COG5: variants seen among roughly 807,000 people sequenced by gnomAD.
COG5 encodes component of oligomeric golgi complex 5.
In COG5, 86 loss-of-function variants were observed where a neutral mutation model predicts 110.4. That is an observed-to-expected ratio of 0.78 (90% CI 0.65 to 0.93). COG5 has a LOEUF of 0.93. Among genes scored for constraint, COG5 ranks in the 40% least tolerant of loss-of-function variants. The pLI is 0.00. For missense variants in COG5, 1,077 were observed against 987.0 expected, an observed-to-expected ratio of 1.09 and a Z score of -1.22; for synonymous variants, 360 against 334.6, an observed-to-expected ratio of 1.08 and a Z score of -0.83.
intron 1 of COG5, among the ~76,000 whole-genome samples, chr7:107,562,897 A>G (rs887795111): frequency 2.6e-5 from 4 of 152,208 alleles, no homozygotes; most frequent in African/African-American, 9.6e-5. Context: ...TTCTGCACCT[A>G]CTGTATGCAA....
At chr7:107,423,661 A>C (rs1332594441) in intron 6 of COG5, among the ~76,000 whole-genome samples, 1 of 140,440 alleles carries the variant, frequency 7.1e-6, no homozygotes, top group Admixed American at 6.9e-5. Context: ...AAGACATTAC[A>C]AAAAAAAAAA....
rs75800722 is a variant in COG5 at position 107,238,226 on chromosome 7, T to C, written c.1854-1539A>G. Among the ~76,000 whole-genome samples, 880 of 152,310 alleles carry C rather than the reference T, an allele frequency of 5.8e-3. 4 individuals carry two copies. The highest frequency in any genetic ancestry group is 0.021 in the African/African-American group (856 of 41,576). ...GTATTCGGTTGTTTTAGACAACAGA[T>C]ATGTGAGGTCATGTGGTATTTGTCT... On this transcript the variant is annotated intron_variant, in intron 17 of 21. Transcript: ENST00000297135.
chr7:107,454,628 T>C (rs901581273), intron 6 of COG5, among the ~76,000 whole-genome samples: 1 of 152,154 alleles, frequency 6.6e-6, no homozygotes, highest in African/African-American at 2.4e-5. Flanking sequence ...CATAGTATCA[T>C]AAGAAAAATG....
At chr7:107,351,374 A>G (rs1812118815) in intron 10 of COG5, among the ~76,000 whole-genome samples, 1 of 152,210 alleles carries the variant, frequency 6.6e-6, no homozygotes, top group Non-Finnish European at 1.5e-5. Context: ...AAACCCAGGC[A>G]ATACCATTCA....
intron 3 of COG5, among the ~76,000 whole-genome samples, chr7:107,552,018 T>C (rs1802928082): frequency 2.0e-5 from 3 of 152,242 alleles, no homozygotes; most frequent in Admixed American, 6.5e-5. Flanking sequence ...ACACAAGAGA[T>C]AATCATTCTA....
intron 6 of COG5, among the ~76,000 whole-genome samples, chr7:107,435,205 G>A (rs910995739): frequency 1.3e-5 from 2 of 151,920 alleles, no homozygotes; most frequent in Admixed American, 1.3e-4. Context: ...TTTTACAAGG[G>A]GAAAAAATTC....
chr7:107,336,077 T>G (rs1584693963), intron 10 of COG5, among the ~76,000 whole-genome samples: 4 of 151,990 alleles, frequency 2.6e-5, no homozygotes, highest in Admixed American at 2.0e-4. Context: ...AAGAAAGAAA[T>G]AAAATATATC....
At chr7:107,364,257 C>G (rs945610771) in intron 8 of COG5, among the ~76,000 whole-genome samples, 1 of 152,150 alleles carries the variant, frequency 6.6e-6, no homozygotes, top group African/African-American at 2.4e-5. Flanking sequence ...TTATGAGGCT[C>G]TCCAAAAAAT....
At chr7:107,416,524 C>T (rs763158029) in intron 6 of COG5, among the ~76,000 whole-genome samples, 3 of 152,110 alleles carry the variant, frequency 2.0e-5, no homozygotes, top group Non-Finnish European at 2.9e-5. Context: ...TATTCTAATA[C>T]ACTAATTCTT....
chr7:107,316,576 G>C lies in COG5; in HGVS notation c.1108+7864C>G, dbSNP rs1274627564. ...CGCCTGTAATCCCGGCACTTTGGGAGGCCAGGGCGGGCGGATCACGAGGTC... is the reference window on the plus strand; with the variant it reads ...CGCCTGTAATCCCGGCACTTTGGGACGCCAGGGCGGGCGGATCACGAGGTC... On this transcript the variant is annotated intron_variant, in intron 11 of 21. Transcript: ENST00000297135. Among the ~76,000 whole-genome samples the C allele has an allele frequency of 2.0e-5, 3 of 151,334 alleles. No individual in the cohort carries two copies. In the South Asian group the frequency reaches 6.3e-4, roughly 32 times the overall value.
At chr7:107,563,736 T>G in intron 1 of COG5, 67 bp downstream of exon 1, 1 of 1,568,586 alleles carries the variant, frequency 6.4e-7, no homozygotes, top group East Asian at 2.2e-5. Context: ...TGGGTCCACC[T>G]CGCTGTCCAG....
intron 6 of COG5, among the ~76,000 whole-genome samples, chr7:107,424,627 A>G (rs764548117): frequency 6.6e-6 from 1 of 152,144 alleles, no homozygotes; most frequent in South Asian, 2.1e-4. Context: ...AAAGACATCA[A>G]GAAGGATTTT....
At chr7:107,425,907 G>A (rs1234927830) in intron 6 of COG5, among the ~76,000 whole-genome samples, 1 of 152,124 alleles carries the variant, frequency 6.6e-6, no homozygotes, top group Non-Finnish European at 1.5e-5. Context: ...AATATGACTA[G>A]TGTCCTTATA....
intron 18 of COG5, among the ~76,000 whole-genome samples, chr7:107,232,945 T>C (rs1800885041): frequency 6.6e-6 from 1 of 152,188 alleles, no homozygotes; most frequent in Non-Finnish European, 1.5e-5. Flanking sequence ...AGGACTTCTT[T>C]GGATACTCCT....
At chr7:107,529,870 G>A (rs968166204) in intron 5 of COG5, among the ~76,000 whole-genome samples, 10 of 152,132 alleles carry the variant, frequency 6.6e-5, no homozygotes, top group Non-Finnish European at 1.0e-4. Flanking sequence ...AGACCTGTAC[G>A]GATTCGACAC....
rs867515449 is a variant in COG5 at position 107,272,924 on chromosome 7, T to C, written c.1575+8376A>G. 1.5e-4 allele frequency among the ~76,000 whole-genome samples: 23 copies of C among 152,198 alleles called. 1 individual carries two copies. The highest frequency in any genetic ancestry group is 6.2e-4 in the South Asian group (3 of 4,828). ...GCAAAGGATAATCAAAGACAATCCA[T>C]AGCTTCTAAGATTCAAACAAGCTTG... On this transcript the variant is annotated intron_variant, in intron 14 of 21. Transcript: ENST00000297135.
intron 11 of COG5, among the ~76,000 whole-genome samples, chr7:107,306,481 T>A (rs1339291504): frequency 6.6e-6 from 1 of 152,054 alleles, no homozygotes; most frequent in Non-Finnish European, 1.5e-5. Context: ...CTCAGAGAAA[T>A]CTCATTTAAG....
intron 6 of COG5, among the ~76,000 whole-genome samples, chr7:107,464,929 T>C (rs975166546): frequency 6.6e-6 from 1 of 152,198 alleles, no homozygotes; most frequent in African/African-American, 2.4e-5. Context: ...GCATTCTATT[T>C]GTCTAGGGTG....
At chr7:107,286,205 C>G (rs145564791) in intron 12 of COG5, among the ~76,000 whole-genome samples, 1 of 152,136 alleles carries the variant, frequency 6.6e-6, no homozygotes, top group African/African-American at 2.4e-5. Context: ...GCCAGAGGTG[C>G]AGATCAAGTA....
Sources: allele counts gnomAD v4.1 joint callset (sites outside exome capture counted in the v4.1 genomes callset), GRCh38; gene constraint gnomAD v4.1.1; transcripts MANE v1.5; gene names NCBI Gene and HGNC (gene_info 2026-07-23, HGNC 2026-07-21).